SNX16: variants seen among roughly 807,000 people sequenced by gnomAD.
SNX16 encodes sorting nexin-16.
SNX16 carries 35 observed loss-of-function variants against 36.7 expected under a neutral mutation model. That is an observed-to-expected ratio of 0.95 (90% CI 0.73 to 1.27). SNX16 has a LOEUF of 1.27. SNX16 is among the 50% of genes most tolerant of loss of function. SNX16 has a pLI of 0.00. For missense variants in SNX16, 367 were observed against 393.6 expected, an observed-to-expected ratio of 0.93 and a Z score of 0.57; for synonymous variants, 134 against 132.0, an observed-to-expected ratio of 1.02 and a Z score of -0.10.
intron 2 of SNX16, among the ~76,000 whole-genome samples, chr8:81,835,463 T>C (rs967894131): frequency 6.6e-6 from 1 of 152,234 alleles, no homozygotes; most frequent in African/African-American, 2.4e-5. Flanking sequence ...TCTATTGCAC[T>C]GTCAGGCTGC....
intron 5 of SNX16, among the ~76,000 whole-genome samples, chr8:81,814,106 C>A (rs1406169452): frequency 6.6e-6 from 1 of 151,884 alleles, no homozygotes; most frequent in African/African-American, 2.4e-5. Flanking sequence ...TATGTTCACA[C>A]AAAACATTAT....
intron 4 of SNX16, among the ~76,000 whole-genome samples, chr8:81,821,304 A>T (rs1486387543): frequency 6.6e-6 from 1 of 151,992 alleles, no homozygotes; most frequent in Admixed American, 6.6e-5. Flanking sequence ...AAATGGCCCT[A>T]GTAATCTCTA....
At chr8:81,839,367 G>GT (rs1677256350) in intron 2 of SNX16, among the ~76,000 whole-genome samples, 1 of 152,180 alleles carries the variant, frequency 6.6e-6, no homozygotes, top group South Asian at 2.1e-4. Flanking sequence ...TAAGATTCTA[G>GT]TAACGTTCTT....
intron 4 of SNX16, among the ~76,000 whole-genome samples, chr8:81,823,285 T>G (rs935855): frequency 6.6e-6 from 1 of 151,606 alleles, no homozygotes; most frequent in Non-Finnish European, 1.5e-5. Flanking sequence ...CTTGTAAATA[T>G]ATTCTGAAGC....
chr8:81,824,113 A>T (rs984203012), intron 3 of SNX16, among the ~76,000 whole-genome samples, 173 bp from the exon 4 acceptor site: 1 of 152,194 alleles, frequency 6.6e-6, no homozygotes, highest in African/African-American at 2.4e-5. Flanking sequence ...CCAGCTGTGT[A>T]TACAGAAGAG....
At chr8:81,818,097 T>C (rs1167034890) in intron 4 of SNX16, among the ~76,000 whole-genome samples, 6 of 152,114 alleles carry the variant, frequency 3.9e-5, no homozygotes, top group Admixed American at 2.6e-4. Flanking sequence ...TTTTACCGTA[T>C]TTTCAAACTA....
At chr8:81,838,601 C>T (rs2130774382) in intron 2 of SNX16, among the ~76,000 whole-genome samples, 1 of 150,444 alleles carries the variant, frequency 6.6e-6, no homozygotes, top group Non-Finnish European at 1.5e-5. Context: ...AGACTTGACC[C>T]TCACCTCACA....
At chr8:81,815,728 A>T (rs944193993) in intron 4 of SNX16, 3 of 172,968 alleles carry the variant, frequency 1.7e-5, no homozygotes, top group Admixed American at 1.7e-4. Flanking sequence ...AACAGTCATT[A>T]TCCTTTTATG....
In SNX16 at chr8:81,837,993, T is replaced by C. The variant is rs75936477; in HGVS notation, c.375+1619A>G. On this transcript the variant is annotated intron_variant, in intron 2 of 7. Coordinates refer to ENST00000345957, the MANE Select transcript of SNX16 (RefSeq NM_152836.3). ...GAAACATTGAAGTAAACATTAAACT[T>C]TACTAAAAGAACAAAGTCTTACCAA... Among the ~76,000 whole-genome samples the C allele has an allele frequency of 2.9e-3, 449 of 152,266 alleles. 2 individuals carry two copies. Among genetic ancestry groups the C allele is most frequent in the African/African-American group, 0.01 (434 of 41,562 alleles).
chr8:81,825,916 G>GA (rs773554916), intron 3 of SNX16, among the ~76,000 whole-genome samples: 4 of 151,902 alleles, frequency 2.6e-5, no homozygotes, highest in Non-Finnish European at 5.9e-5. Context: ...TATCTGGACA[G>GA]AAAATTAAAT....
Position 81,829,457 on chromosome 8 carries a change from G to C in SNX16, c.435C>G (p.Tyr145Ter). 1 of 1,426,688 alleles carries C rather than the reference G, an allele frequency of 7.0e-7. No individual in the cohort carries two copies. Among genetic ancestry groups the C allele is most frequent in the Non-Finnish European group, 9.2e-7 (1 of 1,086,656 alleles). 88.4% of individuals were successfully genotyped at this position (1,426,688 alleles called of 1,614,324 possible). A position where few individuals can be genotyped will look rare whatever the true frequency, so the allele number is the denominator to read the frequency against. ...PEESWVVFRR[Y>*]TDFSRLNDKL... ...TGTCATTAAGCCTAGAGAAGTCAGT[G>C]TATCTTCTGAAAACTACCCAGCTTT... is the stretch of plus-strand genomic sequence containing the variant. Residue 145 changes from tyrosine to a stop codon, truncating the protein, a stop_gained, in exon 3 of 8, where the codon TAC becomes TAG. Transcript: ENST00000345957. LOFTEE classifies it high-confidence loss of function.
chr8:81,839,479 G>T, intron 2 of SNX16, 133 bp downstream of exon 2: 1 of 934,858 alleles, frequency 1.1e-6, no homozygotes, highest in Non-Finnish European at 1.6e-6. Context: ...AGAATTCAGT[G>T]GTGTAAAAAC....
chr8:81,803,892 G>A (rs769077884), intron 5 of SNX16, among the ~76,000 whole-genome samples: 11 of 151,508 alleles, frequency 7.3e-5, no homozygotes, highest in African/African-American at 1.7e-4. Context: ...CTCACCTGAA[G>A]AATCTAATCT....
intron 2 of SNX16, among the ~76,000 whole-genome samples, chr8:81,838,245 G>A (rs1375864843): frequency 6.6e-6 from 1 of 152,078 alleles, no homozygotes; most frequent in Non-Finnish European, 1.5e-5. Flanking sequence ...TAAGTAAATG[G>A]ATTAGGTTCA....
At chr8:81,806,391 C>T (rs1290466872) in intron 5 of SNX16, among the ~76,000 whole-genome samples, 2 of 152,036 alleles carry the variant, frequency 1.3e-5, no homozygotes, top group Non-Finnish European at 1.5e-5. Flanking sequence ...ATTTACCACA[C>T]CAATAGATTA....
At chr8:81,814,183 G>A (rs1293728583) in intron 5 of SNX16, among the ~76,000 whole-genome samples, 20 of 151,766 alleles carry the variant, frequency 1.3e-4, no homozygotes, top group Admixed American at 1.3e-3. Context: ...TCCCTCAATG[G>A]GTGACTGGAT....
intron 4 of SNX16, among the ~76,000 whole-genome samples, chr8:81,817,674 C>G (rs753463144): frequency 1.3e-5 from 2 of 152,164 alleles, no homozygotes; most frequent in African/African-American, 2.4e-5. Flanking sequence ...GTAAAGAAAG[C>G]AGTCAATACC....
intron 4 of SNX16, among the ~76,000 whole-genome samples, chr8:81,815,873 A>T (rs1810461939): frequency 6.6e-6 from 1 of 152,186 alleles, no homozygotes; most frequent in African/African-American, 2.4e-5. Context: ...AATTTACTTA[A>T]ATATTTTCCC....
At chr8:81,807,650 G>C in intron 5 of SNX16, 1 of 450,714 alleles carries the variant, frequency 2.2e-6, no homozygotes. Flanking sequence ...ATGAGGTTGG[G>C]ATCACTGGTC....
Sources: allele counts gnomAD v4.1 joint callset (sites outside exome capture counted in the v4.1 genomes callset), GRCh38; gene constraint gnomAD v4.1.1; transcripts MANE v1.5; gene names NCBI Gene and HGNC (gene_info 2026-07-23, HGNC 2026-07-21).